The following PTPRN2 variants were observed in gnomAD, a reference collection of about 807,000 sequenced individuals.
PTPRN2 encodes protein tyrosine phosphatase receptor type N2.
In PTPRN2, 74 loss-of-function variants were observed where a neutral mutation model predicts 118.8. That is an observed-to-expected ratio of 0.62 (90% confidence interval 0.52 to 0.76). PTPRN2 has a LOEUF of 0.76. Ranked by LOEUF, PTPRN2 falls within the 30% of genes least tolerant of loss-of-function variation. The pLI is 0.00. For synonymous variants in PTPRN2, 641 were observed against 608.0 expected (o/e 1.05, Z -0.80); for missense variants, 1,481 against 1,394.4 (o/e 1.06, Z -0.99).
chr7:158,134,098 G>T, intron 8 of PTPRN2, 39 bp from the exon 9 acceptor site: 1 of 1,586,874 alleles, frequency 6.3e-7, no homozygotes, highest in South Asian at 1.2e-5. Flanking sequence ...GTCTGCGAAA[G>T]GAATGCTGAT....
chr7:157,987,418 T>C lies in PTPRN2; in HGVS notation c.1724-88681A>G, dbSNP rs572145743. On this transcript the variant is annotated intron_variant, in intron 11 of 22. Transcript: ENST00000389418. This position sits in a 1 kb window ranked among gnomAD's most constrained non-coding sequence, Gnocchi z 4.3. Reference sequence around the variant, plus strand: ...ATATGACCCCTCACTAATGGGGTGATCGGTCACTAAACGGGGTGAGATGAC... The same window carrying C: ...ATATGACCCCTCACTAATGGGGTGACCGGTCACTAAACGGGGTGAGATGAC... 6.6e-6 allele frequency among the ~76,000 whole-genome samples: 1 copy of C among 151,748 alleles called. No homozygotes were observed. The highest frequency in any genetic ancestry group is 2.1e-4 in the South Asian group (1 of 4,764).
intron 2 of PTPRN2, among the ~76,000 whole-genome samples, chr7:158,421,894 A>C (rs912174291): frequency 3.9e-5 from 6 of 152,194 alleles, no homozygotes; most frequent in Non-Finnish European, 1.5e-5. Flanking sequence ...TGGGGTTAAA[A>C]AAATAAAGTT....
intron 2 of PTPRN2, among the ~76,000 whole-genome samples, chr7:158,327,690 C>A (rs1426726799): frequency 6.6e-6 from 1 of 152,236 alleles, no homozygotes; most frequent in Non-Finnish European, 1.5e-5. Flanking sequence ...CCCTTTCATT[C>A]TTTCCTGCCT....
intron 5 of PTPRN2, among the ~76,000 whole-genome samples, chr7:158,173,216 C>G (rs956463896): frequency 6.6e-6 from 1 of 152,182 alleles, no homozygotes; most frequent in African/African-American, 2.4e-5. Context: ...TAGCAGCATC[C>G]CCACCATCAT....
Position 158,563,378 on chromosome 7 carries a change from C to A in PTPRN2, c.112+24180G>T, listed in dbSNP as rs1304969427. 6.6e-6 allele frequency among the ~76,000 whole-genome samples: 1 copy of A among 152,184 alleles called. No individual in the cohort carries two copies. Among genetic ancestry groups the A allele is most frequent in the Non-Finnish European group, 1.5e-5 (1 of 68,042 alleles). On this transcript the variant is annotated intron_variant, in intron 1 of 22. Coordinates refer to ENST00000389418, the MANE Select transcript of PTPRN2 (RefSeq NM_002847.5). This position sits in a 1 kb window ranked among gnomAD's most constrained non-coding sequence, Gnocchi z 5.1. ...CACGTCAGTGAGAACAAAAGCATCA[C>A]AAAATGCAAGTCTTATTACTGCAGC...
At position 157,947,138 on chromosome 7, in the gene PTPRN2, G is replaced by T. The variant is rs142717429; in HGVS notation, c.1724-48401C>A. Among the ~76,000 whole-genome samples, 43 of 152,342 alleles carry T rather than the reference G, an allele frequency of 2.8e-4. No individual in the cohort carries two copies. In the East Asian group the frequency reaches 8.1e-3, roughly 29 times the overall value. ...GAGGCACAGGGTGGGCAACTGGGATGTGGGCAGGATGCGAAAAGGTCTGTC... is the reference window on the plus strand; with the variant it reads ...GAGGCACAGGGTGGGCAACTGGGATTTGGGCAGGATGCGAAAAGGTCTGTC... On this transcript the variant is annotated intron_variant, in intron 11 of 22. Transcript: ENST00000389418.
At chr7:158,153,887 C>T (rs1042646361) in intron 6 of PTPRN2, among the ~76,000 whole-genome samples, 17 of 92,576 alleles carry the variant, frequency 1.8e-4, no homozygotes, top group African/African-American at 5.3e-4. Flanking sequence ...GAGGGGGCAC[C>T]CTGGGTGTGC....
intron 3 of PTPRN2, among the ~76,000 whole-genome samples, chr7:158,224,184 A>G (rs1828580836): frequency 6.6e-6 from 1 of 152,220 alleles, no homozygotes; most frequent in Non-Finnish European, 1.5e-5. Flanking sequence ...AACTCTCCCC[A>G]GATTGATACA....
Position 157,923,357 on chromosome 7 carries a change from C to G in PTPRN2, c.1724-24620G>C, listed in dbSNP as rs145380668. ...TCTGGCAGGGCAAGAAGGCAGCCAG[C>G]CCCCTGGGACCATCCAACCATGCTC... On this transcript the variant is annotated intron_variant, in intron 11 of 22. Coordinates refer to ENST00000389418, the MANE Select transcript of PTPRN2 (RefSeq NM_002847.5). Among the ~76,000 whole-genome samples, 1,018 of 152,274 alleles carry G rather than the reference C, an allele frequency of 6.7e-3. 13 individuals carry two copies. The highest frequency in any genetic ancestry group is 0.024 in the African/African-American group (978 of 41,552).
chr7:158,150,428 G>A (rs1457887308), intron 6 of PTPRN2, among the ~76,000 whole-genome samples: 1 of 152,146 alleles, frequency 6.6e-6, no homozygotes, highest in African/African-American at 2.4e-5. Context: ...TCGAAAAGTG[G>A]CAGCTCTGCC....
intron 3 of PTPRN2, among the ~76,000 whole-genome samples, chr7:158,216,624 A>C (rs573093801): frequency 6.6e-6 from 1 of 152,326 alleles, no homozygotes; most frequent in African/African-American, 2.4e-5. Context: ...GAAGGGAATT[A>C]CAGAGTTATA....
intron 1 of PTPRN2, among the ~76,000 whole-genome samples, chr7:158,534,577 C>T (rs952714355): frequency 5.3e-5 from 8 of 152,174 alleles, no homozygotes; most frequent in Non-Finnish European, 1.0e-4. Context: ...CCCTCATTGC[C>T]GTACCCCAAG....
chr7:157,978,012 C>A (rs1035621095), intron 11 of PTPRN2, among the ~76,000 whole-genome samples: 6 of 151,980 alleles, frequency 3.9e-5, no homozygotes, highest in African/African-American at 1.4e-4. Context: ...ACGTCGCATG[C>A]ACATCTACAG....
intron 11 of PTPRN2, among the ~76,000 whole-genome samples, chr7:158,050,108 G>C (rs116498882): frequency 0.014 from 2,172 of 152,258 alleles, 54 homozygotes; most frequent in African/African-American, 0.05. Context: ...TATAACAAGC[G>C]TGTTCCTGAA....
At position 158,328,793 on chromosome 7, in the gene PTPRN2, T is replaced by TCC. The variant is rs368096894; in HGVS notation, c.164-11863_164-11862dup. On this transcript the variant is annotated intron_variant, in intron 2 of 22. Coordinates refer to ENST00000389418, the MANE Select transcript of PTPRN2 (RefSeq NM_002847.5). Reference sequence around the variant, plus strand: ...AAGTCACTAGGAGCGGGGCCTCCATTCCCCCCCCCCCGCCACCCAGGGATC... The same window carrying TCC: ...AAGTCACTAGGAGCGGGGCCTCCATTCCCCCCCCCCCCCGCCACCCAGGGATC... 3.4e-3 allele frequency among the ~76,000 whole-genome samples: 457 copies of TCC among 133,976 alleles called. 6 individuals are homozygous for TCC. The highest frequency in any genetic ancestry group is 7.8e-3 in the African/African-American group (273 of 35,114). The allele number at this position is 133,976 out of a possible 152,430, so 87.9% of individuals were successfully genotyped here.
intron 2 of PTPRN2, among the ~76,000 whole-genome samples, chr7:158,482,771 A>G (rs1820738054): frequency 6.6e-6 from 1 of 152,162 alleles, no homozygotes; most frequent in African/African-American, 2.4e-5. Flanking sequence ...GAGCCCATTC[A>G]CTAGTTTTTC....
chr7:158,497,354 C>G (rs1220700100), intron 1 of PTPRN2, among the ~76,000 whole-genome samples: 1 of 150,080 alleles, frequency 6.7e-6, no homozygotes, highest in Non-Finnish European at 1.5e-5. Context: ...TCCCCTTCAC[C>G]TGCCGATCCA....
chr7:158,132,028 TATA>T (rs1818364285), intron 9 of PTPRN2, among the ~76,000 whole-genome samples: 2 of 143,822 alleles, frequency 1.4e-5, no homozygotes, highest in South Asian at 4.5e-4. Flanking sequence ...ATCTATGACA[TATA>T]CACTCATACA....
intron 11 of PTPRN2, among the ~76,000 whole-genome samples, chr7:157,991,246 C>T (rs1473373764): frequency 1.3e-5 from 2 of 152,174 alleles, no homozygotes; most frequent in South Asian, 2.1e-4. Context: ...ATCCCATCCT[C>T]GGAGGGTGGC....
Sources: gnomAD v4.1 joint callset for allele counts (sites outside exome capture counted in the v4.1 genomes callset) on GRCh38, gnomAD v4.1.1 for gene constraint, Gnocchi (gnomAD v3.1) non-coding constraint, MANE v1.5 for transcripts, NCBI Gene and HGNC (gene_info 2026-07-23, HGNC 2026-07-21) for gene names.